The following LRRC72 variants were observed in gnomAD, a reference collection of about 807,000 sequenced individuals.
LRRC72 encodes leucine rich repeat containing 72.
Under a neutral mutation model 35.8 loss-of-function variants are expected in LRRC72, and 41 were observed. That is an observed-to-expected ratio of 1.15 (90% CI 0.89 to 1.49). The LOEUF is 1.49. Among genes scored for constraint, LRRC72 ranks in the 40% most tolerant of loss-of-function variants. The probability of loss-of-function intolerance (pLI) is 0.00; values close to 1 mark genes in which losing one functional copy is unlikely to be tolerated. For missense variants in LRRC72, 389 were observed against 330.7 expected (o/e 1.18, Z -1.37); for synonymous variants, 118 against 119.2 (o/e 0.99, Z 0.07).
intron 7 of LRRC72, among the ~76,000 whole-genome samples, chr7:16,574,407 C>T (rs1218765490): frequency 1.3e-5 from 2 of 152,164 alleles, no homozygotes; most frequent in Admixed American, 1.3e-4. Flanking sequence ...CCCAAATGCC[C>T]ATCAATGATA....
intron 7 of LRRC72, among the ~76,000 whole-genome samples, chr7:16,577,289 T>C (rs1432426647): frequency 6.6e-6 from 1 of 152,102 alleles, no homozygotes; most frequent in Non-Finnish European, 1.5e-5. Context: ...CAGAAAACAT[T>C]TACTGAGGCC....
intron 3 of LRRC72, among the ~76,000 whole-genome samples, chr7:16,546,790 C>T (rs990199516): frequency 6.6e-6 from 1 of 152,014 alleles, no homozygotes; most frequent in African/African-American, 2.4e-5. Flanking sequence ...TTGCAGTGGC[C>T]CTCTCCCTTC....
At chr7:16,542,950 C>T (rs1449046859) in intron 3 of LRRC72, among the ~76,000 whole-genome samples, 1 of 152,140 alleles carries the variant, frequency 6.6e-6, no homozygotes, top group Non-Finnish European at 1.5e-5. Flanking sequence ...CCGTGTAGTA[C>T]TGAAAGGATT....
rs200379782 is a variant in LRRC72, at chr7:16,533,660, AT to A, written c.164+1096del. Among the ~76,000 whole-genome samples, 187 of 152,160 alleles carry A rather than the reference AT, an allele frequency of 1.2e-3. 1 individual carries two copies. In the East Asian group the frequency reaches 0.033, roughly 27 times the overall value. The stretch of plus-strand genomic sequence containing the variant: ...AAATCCTTTATTATTAAACATATTT[AT>A]TTTATTATAAATAAATATGTTTATC... On this transcript the variant is annotated intron_variant, in intron 2 of 8. Coordinates refer to ENST00000401542, the MANE Select transcript of LRRC72 (RefSeq NM_001195280.2).
At chr7:16,561,764 T>C (rs1562748892) in intron 5 of LRRC72, among the ~76,000 whole-genome samples, 1 of 152,242 alleles carries the variant, frequency 6.6e-6, no homozygotes, top group Admixed American at 6.5e-5. Context: ...TTAAAGATAT[T>C]GTATGAAAAA....
chr7:16,536,604 C>T, intron 2 of LRRC72, among the ~76,000 whole-genome samples: 1 of 151,572 alleles, frequency 6.6e-6, no homozygotes, highest in East Asian at 1.9e-4. Flanking sequence ...TTGTACTATT[C>T]CTTCTTTTCT....
At chr7:16,538,613 G>C (rs954498249) in intron 3 of LRRC72, among the ~76,000 whole-genome samples, 10 of 152,160 alleles carry the variant, frequency 6.6e-5, no homozygotes, top group African/African-American at 1.7e-4. Context: ...CATCCCAGTT[G>C]CTACCAGATA....
intron 7 of LRRC72, among the ~76,000 whole-genome samples, chr7:16,568,044 G>A (rs1296787270): frequency 6.6e-6 from 1 of 152,068 alleles, no homozygotes; most frequent in East Asian, 1.9e-4. Flanking sequence ...TTTTCAGGAT[G>A]TTTCATTTGT....
At position 16,581,461 on chromosome 7, in the gene LRRC72, C is replaced by T; in HGVS notation, c.836C>T (p.Ala279Val). 2 of 1,549,314 alleles carry T rather than the reference C, an allele frequency of 1.3e-6. No individual in the cohort carries two copies. Among genetic ancestry groups the T allele is most frequent in the Non-Finnish European group, 1.7e-6 (2 of 1,146,492 alleles). The change falls in exon 9 of 9, where the codon GCT becomes GTT. Residue 279 changes from alanine to valine, a missense_variant. By Grantham distance (64) the Ala-to-Val change is moderately conservative. Transcript: ENST00000401542. ...CTTGAAGAGGAAGGCACAGAAACAGCTCAAATGCTCACAGTTACACTGAGA... is the reference window on the plus strand; with the variant it reads ...CTTGAAGAGGAAGGCACAGAAACAGTTCAAATGCTCACAGTTACACTGAGA... ...RYLEEEGTETAQMLTVTLR is the reference protein window; with the variant it reads ...RYLEEEGTETVQMLTVTLR
chr7:16,552,946 T>C (rs1349351876), intron 3 of LRRC72, among the ~76,000 whole-genome samples: 1 of 152,230 alleles, frequency 6.6e-6, no homozygotes, highest in Non-Finnish European at 1.5e-5. Context: ...TTAACCTTTC[T>C]GTGCCTCAGT....
chr7:16,528,366 C>T (rs114286049), intron 1 of LRRC72, among the ~76,000 whole-genome samples: 1,901 of 152,208 alleles, frequency 0.012, 43 homozygotes, highest in African/African-American at 0.043. Flanking sequence ...TTTACCCTTG[C>T]AGCTTTCTGG....
At chr7:16,567,363 C>G in intron 6 of LRRC72, 28 bp from the exon 7 acceptor site, 3 of 1,345,956 alleles carry the variant, frequency 2.2e-6, no homozygotes, top group Non-Finnish European at 3.0e-6. Context: ...TAATGTTATG[C>G]AATAACATTA....
chr7:16,533,635 A>T (rs1317292434), intron 2 of LRRC72, among the ~76,000 whole-genome samples: 3 of 152,092 alleles, frequency 2.0e-5, no homozygotes, highest in South Asian at 4.1e-4. Context: ...TGATTTGGGG[A>T]AATCCTTTAT....
chr7:16,542,313 G>A (rs1339910980), intron 3 of LRRC72, among the ~76,000 whole-genome samples: 1 of 152,106 alleles, frequency 6.6e-6, no homozygotes, highest in Admixed American at 6.5e-5. Context: ...GGCAGGAAAG[G>A]AATACAACAA....
intron 1 of LRRC72, among the ~76,000 whole-genome samples, chr7:16,527,552 G>T (rs1426818704): frequency 6.6e-6 from 1 of 151,934 alleles, no homozygotes; most frequent in African/African-American, 2.4e-5. Flanking sequence ...AACGTTATTT[G>T]ATGAGCCCTA....
chr7:16,535,064 C>T (rs1583635216), intron 2 of LRRC72, among the ~76,000 whole-genome samples: 1 of 152,022 alleles, frequency 6.6e-6, no homozygotes, highest in Admixed American at 6.6e-5. Flanking sequence ...TGGCATGCAC[C>T]TGTGGTCCCA....
chr7:16,565,998 T>A (rs973883751), intron 5 of LRRC72, among the ~76,000 whole-genome samples: 1 of 152,246 alleles, frequency 6.6e-6, no homozygotes, highest in Non-Finnish European at 1.5e-5. Context: ...CTTCATTTAC[T>A]AACTTATTTA....
At chr7:16,534,131 A>T (rs1003407142) in intron 2 of LRRC72, among the ~76,000 whole-genome samples, 1 of 152,240 alleles carries the variant, frequency 6.6e-6, no homozygotes. Flanking sequence ...ATACACTGGT[A>T]TACTGAGTTA....
chr7:16,578,279 C>A (rs796326197), intron 7 of LRRC72, among the ~76,000 whole-genome samples: 38 of 152,248 alleles, frequency 2.5e-4, no homozygotes, highest in African/African-American at 8.9e-4. Context: ...TTGAGACCAG[C>A]CTGGCTAACA....
Sources: gnomAD v4.1 joint callset for allele counts (sites outside exome capture counted in the v4.1 genomes callset) on GRCh38, gnomAD v4.1.1 for gene constraint, MANE v1.5 for transcripts, NCBI Gene and HGNC (gene_info 2026-07-23, HGNC 2026-07-21) for gene names.